The following PROX2 variants were observed in gnomAD, a reference collection of about 807,000 sequenced individuals.
PROX2 encodes prospero homeobox protein 2.
A neutral mutation model predicts 48.9 loss-of-function variants in PROX2; 46 were observed. That is an observed-to-expected ratio of 0.94 (90% CI 0.74 to 1.20). The LOEUF is 1.20. PROX2 is among the 50% of genes most tolerant of loss of function. The probability of loss-of-function intolerance (pLI) is 0.00; values close to 1 mark genes in which losing one functional copy is unlikely to be tolerated. For synonymous variants in PROX2, 260 were observed against 276.6 expected (o/e 0.94, Z 0.60); for missense variants, 663 against 719.4 (o/e 0.92, Z 0.90).
chr14:74,859,500 C>T (rs184370028), intron 3 of PROX2: 2 of 152,292 alleles, frequency 1.3e-5, no homozygotes, highest in Non-Finnish European at 2.9e-5. Context: ...CAAACTATAC[C>T]TCACTCTGGG....
chr14:74,864,593 G>A (rs1048334648), intron 2 of PROX2, among the ~76,000 whole-genome samples: 2 of 152,214 alleles, frequency 1.3e-5, no homozygotes, highest in Admixed American at 1.3e-4. Flanking sequence ...TGTAATCCCA[G>A]CACTTTGGGA....
intron 2 of PROX2, among the ~76,000 whole-genome samples, chr14:74,864,222 T>A (rs2091824993): frequency 1.3e-5 from 2 of 152,218 alleles, no homozygotes; most frequent in South Asian, 2.1e-4. Context: ...CCGAGAGTGA[T>A]CTTACAGGGA....
Position 74,854,743 on chromosome 14 carries a change from C to CT in PROX2, c.*388dup, listed in dbSNP as rs2091729350. 6.3e-6 allele frequency: 1 copy of CT among 158,252 alleles called. No individual in the cohort carries two copies. Among genetic ancestry groups the CT allele is most frequent in the South Asian group, 2.0e-4 (1 of 4,944 alleles). 9.8% of individuals were successfully genotyped at this position (158,252 alleles called of 1,614,324 possible). ...TTATCTGAAAGAGGGGCTCAAAAAACTGACATTTGTGTGTGAATGACATTG... is the reference window on the plus strand; with the variant it reads ...TTATCTGAAAGAGGGGCTCAAAAAACTTGACATTTGTGTGTGAATGACATTG... On this transcript the variant is annotated 3_prime_UTR_variant, in exon 6 of 6. Transcript: ENST00000556489.
chr14:74,871,949 A>G (rs1883225705), intron 1 of PROX2: 2 of 152,326 alleles, frequency 1.3e-5, no homozygotes, highest in Middle Eastern at 3.4e-3. Context: ...ATGTCCTTCC[A>G]TGGAATATCC....
intron 4 of PROX2, chr14:74,857,764 G>A (rs10141670): frequency 1.4e-5 from 2 of 140,014 alleles, no homozygotes; most frequent in Non-Finnish European, 3.1e-5. Flanking sequence ...GTTTGTTTTT[G>A]TGTGTTTTTT....
intron 2 of PROX2, among the ~76,000 whole-genome samples, chr14:74,869,285 T>C (rs1883154271): frequency 6.6e-6 from 1 of 152,020 alleles, no homozygotes; most frequent in African/African-American, 2.4e-5. Flanking sequence ...TTCAACTTTT[T>C]TTTTTTTTTT....
chr14:74,857,005 CAA>C lies in PROX2; in HGVS notation c.1414-12_1414-11del, dbSNP rs1228546531. Reference sequence around the variant, plus strand: ...TAATGCAGCGGTTGAACTGTACAAACAAGAGGTCCATCCAGTCAGACATTTGC... The same window carrying C: ...TAATGCAGCGGTTGAACTGTACAAACGAGGTCCATCCAGTCAGACATTTGC... On this transcript the variant is annotated splice_polypyrimidine_tract_variant and intron_variant, in intron 4 of 5. Transcript: ENST00000556489. 3.7e-6 allele frequency: 6 copies of C among 1,612,216 alleles called. No individual in the cohort carries two copies. The highest frequency in any genetic ancestry group is 2.7e-5 in the African/African-American group (2 of 74,872).
chr14:74,871,598 T>A (rs1883217717), intron 1 of PROX2, among the ~76,000 whole-genome samples: 1 of 152,008 alleles, frequency 6.6e-6, no homozygotes, highest in Non-Finnish European at 1.5e-5. Flanking sequence ...ACATATCAGA[T>A]CCAATCTCTG....
At chr14:74,874,469 T>C (rs1174584847) in intron 1 of PROX2, among the ~76,000 whole-genome samples, 1 of 151,636 alleles carries the variant, frequency 6.6e-6, no homozygotes, top group Non-Finnish European at 1.5e-5. Context: ...GCCAGGCTGG[T>C]CTTGAACTCC....
At chr14:74,857,321 C>G (rs2091751896) in intron 4 of PROX2, 1 of 210,426 alleles carries the variant, frequency 4.8e-6, no homozygotes, top group Non-Finnish European at 9.6e-6. Flanking sequence ...CCAGATTTTG[C>G]TGCACCCAGG....
In PROX2 at chr14:74,863,509, G is replaced by T; in HGVS notation, c.326C>A (p.Pro109His). 1 of 1,613,588 alleles carries T rather than the reference G, an allele frequency of 6.2e-7. No homozygotes were observed. The highest frequency in any genetic ancestry group is 8.5e-7 in the Non-Finnish European group (1 of 1,179,680). The part of the protein sequence containing the change: ...ARERKRKQNL[P>H]TPQGLLMPAP... ...TGGCATCAGGAGGCCTTGCGGTGTG[G>T]GAAGGTTCTGCTTCCTCTTCCTCTC... Residue 109 changes from proline to histidine, a missense_variant, in exon 3 of 6, where the codon CCC becomes CAC. Transcript: ENST00000556489.
rs2091806898 is a variant in PROX2, at chr14:74,862,873, G to T, written c.962C>A (p.Thr321Asn). ...SPRYPIPPRM[T>N]PKPCQDPPAN... Reference sequence around the variant, plus strand: ...TGGGGGATCCTGACAGGGTTTGGGGGTCATTCTTGGAGGGATAGGGTACCT... The same window carrying T: ...TGGGGGATCCTGACAGGGTTTGGGGTTCATTCTTGGAGGGATAGGGTACCT... Residue 321 changes from threonine (T) to asparagine (N), a missense_variant, in exon 3 of 6, where the codon ACC (threonine) becomes AAC (asparagine). Transcript: ENST00000556489. The T allele has an allele frequency of 6.2e-7, 1 of 1,613,778 alleles. No homozygotes were observed. The highest frequency in any genetic ancestry group is 8.5e-7 in the Non-Finnish European group (1 of 1,179,844).
chr14:74,855,402 T>C, intron 5 of PROX2, 100 bp from the exon 6 acceptor site: 3 of 965,048 alleles, frequency 3.1e-6, no homozygotes, highest in Admixed American at 2.9e-5. Context: ...TCTTGGGTAG[T>C]GGGCTAGGAG....
At chr14:74,866,462 A>T (rs1374637492) in intron 2 of PROX2, among the ~76,000 whole-genome samples, 1 of 152,164 alleles carries the variant, frequency 6.6e-6, no homozygotes, top group African/African-American at 2.4e-5. Context: ...TGGGGGCATG[A>T]GCTGGCATCA....
chr14:74,862,913 G>T lies in PROX2; in HGVS notation c.922C>A (p.Arg308Ser), dbSNP rs764650927. The T allele has an allele frequency of 9.3e-6, 15 of 1,613,914 alleles. No individual in the cohort carries two copies. Among genetic ancestry groups the T allele is most frequent in the South Asian group, 2.2e-5 (2 of 91,080 alleles). The change falls in exon 3 of 6, where the codon CGT becomes AGT. Residue 308 changes from arginine (R) to serine (S), a missense_variant. Physicochemically the swap from Arg to Ser is moderately radical, Grantham distance 110. Coordinates refer to ENST00000556489, the MANE Select transcript of PROX2 (RefSeq NM_001243007.2). The part of the protein sequence containing the change: ...VPVGNLSLAK[R>S]LDSPRYPIPP... ...ATAGGGTACCTAGGAGAATCTAGACGCTTGGCCAGTGATAAATTTCCTACT... is the reference window on the plus strand; with the variant it reads ...ATAGGGTACCTAGGAGAATCTAGACTCTTGGCCAGTGATAAATTTCCTACT...
Position 74,854,918 on chromosome 14 carries a change from C to T in PROX2, c.*214G>A, listed in dbSNP as rs2091730404. On this transcript the variant is annotated 3_prime_UTR_variant, in exon 6 of 6. Transcript: ENST00000556489. The stretch of plus-strand genomic sequence containing the variant: ...CTTGTGTTCCTTTTACAATATACTA[C>T]CAATACACCAATATAGTTAGTACAT... The T allele has an allele frequency of 2.8e-6, 1 of 359,210 alleles. No homozygotes were observed. The highest frequency in any genetic ancestry group is 4.5e-5 in the Admixed American group (1 of 22,310). The allele number at this position is 359,210 out of a possible 1,614,324, so 22.3% of individuals were successfully genotyped here.
At chr14:74,867,537 C>T (rs1405683728) in intron 2 of PROX2, among the ~76,000 whole-genome samples, 1 of 152,204 alleles carries the variant, frequency 6.6e-6, no homozygotes, top group African/African-American at 2.4e-5. Flanking sequence ...CAGATGTTTG[C>T]TAACTCCATT....
At chr14:74,869,273 C>A (rs1450344020) in intron 2 of PROX2, among the ~76,000 whole-genome samples, 1 of 149,748 alleles carries the variant, frequency 6.7e-6, no homozygotes, top group African/African-American at 2.5e-5. Flanking sequence ...TGAAGCAGAA[C>A]CTTCAACTTT....
intron 3 of PROX2, among the ~76,000 whole-genome samples, chr14:74,859,864 G>C (rs1294284701): frequency 2.6e-5 from 4 of 152,204 alleles, no homozygotes; most frequent in African/African-American, 9.7e-5. Flanking sequence ...CAAATGCTGT[G>C]GAGAGAATCC....
Sources: allele counts gnomAD v4.1 joint callset (sites outside exome capture counted in the v4.1 genomes callset), GRCh38; gene constraint gnomAD v4.1.1; transcripts MANE v1.5; gene names NCBI Gene and HGNC (gene_info 2026-07-23, HGNC 2026-07-21).